DOP1B: variants seen among roughly 807,000 people sequenced by gnomAD.
DOP1B encodes DOP1 leucine zipper like protein B.
In DOP1B, 174 loss-of-function variants were observed where a neutral mutation model predicts 233.5. That is an observed-to-expected ratio of 0.75 (90% CI 0.66 to 0.85). The LOEUF (loss-of-function observed/expected upper bound fraction) is 0.85. DOP1B is among the 40% of genes least tolerant of loss of function. The pLI, the probability that DOP1B is intolerant of heterozygous loss-of-function variation, is 0.00. For synonymous variants in DOP1B, 1,190 were observed against 1,185.6 expected, an observed-to-expected ratio of 1.00 and a Z score of -0.08; for missense variants, 2,652 against 2,846.6, an observed-to-expected ratio of 0.93 and a Z score of 1.56.
At chr21:36,290,045 A>G (rs905864987) in intron 35 of DOP1B, among the ~76,000 whole-genome samples, 3 of 152,096 alleles carry the variant, frequency 2.0e-5, no homozygotes, top group African/African-American at 7.2e-5. Flanking sequence ...TAAACTCTGG[A>G]CTTGGGAGGA....
At chr21:36,275,618 CAAAA>C (rs111840768) in intron 27 of DOP1B, among the ~76,000 whole-genome samples, 1 of 132,348 alleles carries the variant, frequency 7.6e-6, no homozygotes. Context: ...GAACTTGTCT[CAAAA>C]AAAAAAAAAA....
At position 36,246,169 on chromosome 21, in the gene DOP1B, A is replaced by G; in HGVS notation, c.4189A>G (p.Thr1397Ala). 6.2e-7 allele frequency: 1 copy of G among 1,613,674 alleles called. No homozygotes were observed. The highest frequency in any genetic ancestry group is 8.5e-7 in the Non-Finnish European group (1 of 1,180,008). Residue 1397 changes from threonine (T) to alanine (A), a missense_variant, in exon 19 of 37, where the codon ACG (threonine) becomes GCG (alanine). Thr to Ala is a moderately conservative substitution (Grantham distance 58). This residue lies in a region of DOP1B where 2,617 missense variants were observed against 2,794.3 expected (regional missense o/e 0.94). Coordinates refer to ENST00000691173, the MANE Select transcript of DOP1B (RefSeq NM_001320714.2). The surrounding 1 kb of genome is among the most constrained non-coding windows in gnomAD (Gnocchi z 5.1). ...VLLSLSASMYTSQKRYGLATA... is the reference protein window; with the variant it reads ...VLLSLSASMYASQKRYGLATA... ...GCTCTCCCTGTCGGCGTCCATGTAC[A>G]CGAGCCAGAAGCGCTACGGGCTGGC...
rs372044937 is a variant in DOP1B, at chr21:36,245,355, G to A, written c.3375G>A (p.Thr1125=). Reference sequence around the variant, plus strand: ...CCTGCCACACGGACAGCGAGAACACGTCCTCCTTCTCCTCCCCTTCCCACG... The same window carrying A: ...CCTGCCACACGGACAGCGAGAACACATCCTCCTTCTCCTCCCCTTCCCACG... ...TSSCHTDSEN[T]SSFSSPSHDL... is the part of the protein sequence containing the mutation. Residue 1125 remains threonine, a synonymous_variant, in exon 19 of 37, where the codon ACG becomes ACA. Coordinates refer to ENST00000691173, the MANE Select transcript of DOP1B (RefSeq NM_001320714.2). The surrounding 1 kb of genome is among the most constrained non-coding windows in gnomAD (Gnocchi z 5.5). 4.3e-6 allele frequency: 7 copies of A among 1,613,980 alleles called. No homozygotes were observed. The highest frequency in any genetic ancestry group is 2.7e-5 in the African/African-American group (2 of 74,944).
intron 2 of DOP1B, among the ~76,000 whole-genome samples, chr21:36,176,087 G>GGTGTGTGTACGTGTGTGTGT (rs2066021303): frequency 1.0e-5 from 1 of 96,534 alleles, no homozygotes; most frequent in Non-Finnish European, 2.4e-5. Context: ...TCGACTTTGG[G>GGTGTGTGTACGTGTGTGTGT]GTGTGTGTGC....
chr21:36,210,726 C>A lies in DOP1B; in HGVS notation c.682-827C>A, dbSNP rs6517339. On this transcript the variant is annotated intron_variant, in intron 5 of 36. Coordinates refer to ENST00000691173, the MANE Select transcript of DOP1B (RefSeq NM_001320714.2). The stretch of plus-strand genomic sequence containing the variant: ...ACTCAGCTGTCTGAGACACGAGAAT[C>A]GCTTGAACGCCGGTGGCAGAGGTTG... Among the ~76,000 whole-genome samples the A allele has an allele frequency of 7.6e-3, 1,149 of 152,170 alleles. 13 individuals are homozygous for A. The highest frequency in any genetic ancestry group is 0.026 in the African/African-American group (1,071 of 41,532).
intron 3 of DOP1B, among the ~76,000 whole-genome samples, chr21:36,200,113 A>G (rs1216490634): frequency 3.3e-5 from 5 of 152,298 alleles, no homozygotes; most frequent in East Asian, 1.9e-4. Context: ...TGACTTTGCT[A>G]TAAGGGAACT....
Position 36,214,184 on chromosome 21 carries a change from A to T in DOP1B, c.1008A>T (p.Leu336Phe). 1 of 1,609,896 alleles carries T rather than the reference A, an allele frequency of 6.2e-7. No homozygotes were observed. Among genetic ancestry groups the T allele is most frequent in the East Asian group, 2.2e-5 (1 of 44,834 alleles). Residue 336 changes from leucine to phenylalanine, a missense_variant, in exon 8 of 37, where the codon TTA (leucine) becomes TTT (phenylalanine). Around this residue, in one of 3 missense-constraint regions of DOP1B, gnomAD observed 2,617 missense variants for 2,794.3 expected, o/e 0.94. Coordinates refer to ENST00000691173, the MANE Select transcript of DOP1B (RefSeq NM_001320714.2). ...YFFEKYSKDL[L>F]VEGLAEILHQ... ...TTGAAAAATACTCCAAGGATCTTTTAGTTGAGGTAAAGGAGCATTTCCGGA... is the reference window on the plus strand; with the variant it reads ...TTGAAAAATACTCCAAGGATCTTTTTGTTGAGGTAAAGGAGCATTTCCGGA...
intron 2 of DOP1B, among the ~76,000 whole-genome samples, chr21:36,192,296 C>T (rs2066242196): frequency 1.3e-5 from 2 of 150,546 alleles, no homozygotes; most frequent in African/African-American, 2.4e-5. Context: ...GAGATTGAGG[C>T]TGCAGTGAGC....
chr21:36,292,611 G>T (rs1268475788), intron 36 of DOP1B, among the ~76,000 whole-genome samples: 48 of 124,718 alleles, frequency 3.8e-4, no homozygotes, highest in Middle Eastern at 9.1e-3. Flanking sequence ...TTGTTTTTGG[G>T]TTTTTTTTTT....
intron 2 of DOP1B, among the ~76,000 whole-genome samples, chr21:36,166,298 G>A (rs542360784): frequency 3.3e-5 from 5 of 151,968 alleles, no homozygotes; most frequent in South Asian, 4.2e-4. Context: ...TTAGCCGGGC[G>A]TGGTGGCGAG....
chr21:36,230,692 C>A lies in DOP1B; in HGVS notation c.1908C>A (p.Asn636Lys). 1 of 1,614,168 alleles carries A rather than the reference C, an allele frequency of 6.2e-7. No homozygotes were observed. Among genetic ancestry groups the A allele is most frequent in the South Asian group, 1.1e-5 (1 of 91,078 alleles). Residue 636 changes from asparagine to lysine, a missense_variant, in exon 14 of 37, where the codon AAC becomes AAA. By Grantham distance (94) the Asn-to-Lys change is moderately conservative (BLOSUM62 0). Transcript: ENST00000691173. ...TTTGCATCCAAGAGCTAATCGCCAA[C>A]TTTGCCAGCAAGAACATTTTTGGAG... ...TFLCIQELIANFASKNIFGVQ... is the reference protein window; with the variant it reads ...TFLCIQELIAKFASKNIFGVQ...
chr21:36,160,228 C>A (rs1279632030), intron 1 of DOP1B, among the ~76,000 whole-genome samples: 2 of 152,166 alleles, frequency 1.3e-5, no homozygotes, highest in Non-Finnish European at 2.9e-5. Flanking sequence ...TCATTACCAT[C>A]TTTTCCTTAA....
chr21:36,270,882 C>T (rs1032157871), intron 27 of DOP1B, among the ~76,000 whole-genome samples: 5 of 143,202 alleles, frequency 3.5e-5, no homozygotes, highest in Non-Finnish European at 6.0e-5. Flanking sequence ...CACTGCACTC[C>T]AGCCTGGGCG....
At chr21:36,270,383 TCTC>T (rs1303336982) in intron 27 of DOP1B, among the ~76,000 whole-genome samples, 5 of 149,814 alleles carry the variant, frequency 3.3e-5, no homozygotes, top group African/African-American at 1.3e-4. Flanking sequence ...CGAAACCCCG[TCTC>T]TACTAAAAGT....
In DOP1B at chr21:36,246,758, T is replaced by C. The variant is rs931793427; in HGVS notation, c.4697+81T>C. The C allele has an allele frequency of 2.0e-6, 3 of 1,508,790 alleles. No individual in the cohort carries two copies. The highest frequency in any genetic ancestry group is 2.7e-5 in the African/African-American group (2 of 72,920). 93.5% of individuals were successfully genotyped at this position (1,508,790 alleles called of 1,614,324 possible). On this transcript the variant is annotated intron_variant, in intron 19 of 36. Coordinates refer to ENST00000691173, the MANE Select transcript of DOP1B (RefSeq NM_001320714.2). The surrounding 1 kb of genome is among the most constrained non-coding windows in gnomAD (Gnocchi z 5.1). ...ATGACTGTTTTGCCACGGATGTGGATGTCGGTTGGAGGATAATTTCATCCC... is the reference window on the plus strand; with the variant it reads ...ATGACTGTTTTGCCACGGATGTGGACGTCGGTTGGAGGATAATTTCATCCC...
intron 4 of DOP1B, among the ~76,000 whole-genome samples, chr21:36,206,162 A>G (rs2066423074): frequency 6.6e-6 from 1 of 152,174 alleles, no homozygotes; most frequent in African/African-American, 2.4e-5. Flanking sequence ...GGTTTGTCAT[A>G]GTTGCTGTTG....
Position 36,198,511 on chromosome 21 carries a change from C to T in DOP1B, c.139-559C>T, listed in dbSNP as rs113093277. ...TTCTGCCCATGGTTACTCTGTGCCA[C>T]GAAGGACAGCATCGATCTGTTCACA... On this transcript the variant is annotated intron_variant, in intron 2 of 36. Coordinates refer to ENST00000691173, the MANE Select transcript of DOP1B (RefSeq NM_001320714.2). Among the ~76,000 whole-genome samples the T allele has an allele frequency of 9.8e-3, 1,484 of 152,200 alleles. 23 individuals carry two copies. Among genetic ancestry groups the T allele is most frequent in the African/African-American group, 0.033 (1,360 of 41,524 alleles).
intron 27 of DOP1B, among the ~76,000 whole-genome samples, 156 bp downstream of exon 27, chr21:36,270,313 G>A (rs902115311): frequency 1.3e-5 from 2 of 152,042 alleles, no homozygotes; most frequent in Non-Finnish European, 2.9e-5. Context: ...AGCACTTTGG[G>A]AGACCGAGAT....
intron 2 of DOP1B, chr21:36,170,123 C>G: frequency 2.3e-5 from 13 of 564,400 alleles, no homozygotes; most frequent in Non-Finnish European, 4.3e-5. Flanking sequence ...TTTCTTCACT[C>G]CTATGGCAGG....
Sources: gnomAD v4.1 joint callset for allele counts (sites outside exome capture counted in the v4.1 genomes callset) on GRCh38, gnomAD v4.1.1 for gene constraint, gnomAD v4.1.1 regional missense constraint, Gnocchi (gnomAD v3.1) non-coding constraint, MANE v1.5 for transcripts, NCBI Gene and HGNC (gene_info 2026-07-23, HGNC 2026-07-21) for gene names.